The following XKR4 variants were observed in gnomAD, a reference collection of about 807,000 sequenced individuals.
XKR4 encodes the protein XK related 4, also known as XK-related protein 4.
In XKR4, 12 loss-of-function variants were observed where a neutral mutation model predicts 53.9. That is an observed-to-expected ratio of 0.22 (90% CI 0.14 to 0.36). XKR4 has a LOEUF of 0.36. XKR4 is among the 10% of genes least tolerant of loss of function. The pLI, the probability that XKR4 is intolerant of heterozygous loss-of-function variation, is 1.00. For synonymous variants in XKR4, 354 were observed against 362.4 expected (o/e 0.98, Z 0.26); for missense variants, 799 against 859.5 (o/e 0.93, Z 0.88).
At chr8:55,519,713 A>T (rs142994280) in intron 2 of XKR4, among the ~76,000 whole-genome samples, 76 of 152,306 alleles carry the variant, frequency 5.0e-4, no homozygotes, top group African/African-American at 1.8e-3. Flanking sequence ...TTTTTAAAGT[A>T]CTGTGTCAAT....
rs536730996 is a variant in XKR4, at chr8:55,423,347, G to A, written c.1006+65470G>A. Among the ~76,000 whole-genome samples, 22 of 152,182 alleles carry A rather than the reference G, an allele frequency of 1.4e-4. 1 individual carries two copies. The highest frequency in any genetic ancestry group is 4.6e-4 in the Admixed American group (7 of 15,280). On this transcript the variant is annotated intron_variant, in intron 2 of 2. Coordinates refer to ENST00000327381, the MANE Select transcript of XKR4 (RefSeq NM_052898.2). ...TGACCTCGGGTGATCCACCTGCCTC[G>A]GCCTCCCAAAGTGCTGGGATTATAG...
At chr8:55,224,849 T>C (rs781215929) in intron 1 of XKR4, among the ~76,000 whole-genome samples, 2 of 152,194 alleles carry the variant, frequency 1.3e-5, no homozygotes, top group Non-Finnish European at 2.9e-5. Context: ...GCATTTCTTG[T>C]TCTATAGAAA....
intron 2 of XKR4, among the ~76,000 whole-genome samples, chr8:55,422,107 C>T (rs1208906845): frequency 6.6e-6 from 1 of 152,062 alleles, no homozygotes; most frequent in Non-Finnish European, 1.5e-5. Flanking sequence ...GAATTGAGAC[C>T]ATACTAAATA....
chr8:55,451,746 G>T (rs1805450450), intron 2 of XKR4: 1 of 1,189,810 alleles, frequency 8.4e-7, no homozygotes, highest in African/African-American at 1.5e-5. Context: ...ATTCAGACTT[G>T]GCCCGGCTCA....
chr8:55,471,724 G>C (rs1017683810), intron 2 of XKR4, among the ~76,000 whole-genome samples: 6 of 152,100 alleles, frequency 3.9e-5, no homozygotes, highest in African/African-American at 1.4e-4. Flanking sequence ...CCTCATGAAT[G>C]GTTAACACCA....
At chr8:55,109,542 C>T (rs984839896) in intron 1 of XKR4, among the ~76,000 whole-genome samples, 1 of 152,130 alleles carries the variant, frequency 6.6e-6, no homozygotes, top group African/African-American at 2.4e-5. Flanking sequence ...CACAATCAGA[C>T]AGCTCCTTGT....
chr8:55,145,078 C>T (rs116176221), intron 1 of XKR4, among the ~76,000 whole-genome samples: 1,524 of 152,146 alleles, frequency 0.01, 24 homozygotes, highest in African/African-American at 0.035. Flanking sequence ...GGGATCCGCC[C>T]GCCTTGGGCT....
chr8:55,161,121 G>A (rs543304391), intron 1 of XKR4, among the ~76,000 whole-genome samples: 1 of 152,306 alleles, frequency 6.6e-6, no homozygotes, highest in Admixed American at 6.5e-5. Context: ...GACCTGCACA[G>A]GAAGTGCTTC....
chr8:55,402,018 C>T (rs531685577), intron 2 of XKR4, among the ~76,000 whole-genome samples: 25 of 152,276 alleles, frequency 1.6e-4, no homozygotes, highest in East Asian at 1.2e-3. Context: ...TGTATTTTCG[C>T]GAATCTTTTT....
intron 2 of XKR4, among the ~76,000 whole-genome samples, chr8:55,463,010 C>T (rs1402647679): frequency 1.3e-5 from 2 of 152,090 alleles, no homozygotes; most frequent in South Asian, 2.1e-4. Flanking sequence ...ACTTACACTC[C>T]CACACTATAA....
At chr8:55,164,192 G>A (rs533967308) in intron 1 of XKR4, 18 of 456,572 alleles carry the variant, frequency 3.9e-5, no homozygotes, top group Admixed American at 1.6e-4. Flanking sequence ...AGGTTGCCTC[G>A]TCCGCCGCCT....
At chr8:55,433,420 T>A (rs1805129583) in intron 2 of XKR4, among the ~76,000 whole-genome samples, 1 of 152,232 alleles carries the variant, frequency 6.6e-6, no homozygotes. Context: ...GAGATAATAA[T>A]AATAAATCAT....
At chr8:55,252,404 T>C (rs1402940484) in intron 1 of XKR4, among the ~76,000 whole-genome samples, 1 of 152,134 alleles carries the variant, frequency 6.6e-6, no homozygotes, top group Admixed American at 6.5e-5. Flanking sequence ...CAAGGACTAT[T>C]TTTGTTTTAT....
chr8:55,453,589 C>A, intron 2 of XKR4: 1 of 396,330 alleles, frequency 2.5e-6, no homozygotes, highest in Non-Finnish European at 4.9e-6. Context: ...TCCCAGCCTT[C>A]ATGGCTAGGG....
chr8:55,355,546 C>A (rs182301327), intron 1 of XKR4, among the ~76,000 whole-genome samples: 204 of 152,282 alleles, frequency 1.3e-3, no homozygotes, highest in African/African-American at 4.7e-3. Flanking sequence ...GGATGCAGAA[C>A]AGCCGATATC....
Position 55,531,849 on chromosome 8 carries a change from T to A in XKR4, c.*7622T>A, listed in dbSNP as rs954941213. Reference sequence around the variant, plus strand: ...AATAACAAATTTCTGGACATAAACATGAGCTGTTTCTCTAAAGCCTTTCCT... The same window carrying A: ...AATAACAAATTTCTGGACATAAACAAGAGCTGTTTCTCTAAAGCCTTTCCT... On this transcript the variant is annotated 3_prime_UTR_variant, in exon 3 of 3. Transcript: ENST00000327381. 2 of 152,282 alleles carry A rather than the reference T, an allele frequency of 1.3e-5. No homozygotes were observed. The highest frequency in any genetic ancestry group is 6.5e-5 in the Admixed American group (1 of 15,288). The allele number at this position is 152,282 out of a possible 1,614,324, so 9.4% of individuals were successfully genotyped here. A position where few individuals can be genotyped will look rare whatever the true frequency, so the allele number is the denominator to read the frequency against.
intron 1 of XKR4, among the ~76,000 whole-genome samples, chr8:55,258,217 G>T (rs769771413): frequency 6.6e-6 from 1 of 152,232 alleles, no homozygotes; most frequent in Non-Finnish European, 1.5e-5. Flanking sequence ...GTCTTCCCGA[G>T]GGAAAGCGAC....
At chr8:55,112,256 G>A (rs1816242225) in intron 1 of XKR4, among the ~76,000 whole-genome samples, 1 of 152,110 alleles carries the variant, frequency 6.6e-6, no homozygotes. Context: ...ATATTTCCCT[G>A]TTGGGGAATC....
At chr8:55,489,871 A>G (rs1038062338) in intron 2 of XKR4, among the ~76,000 whole-genome samples, 1 of 152,104 alleles carries the variant, frequency 6.6e-6, no homozygotes, top group Non-Finnish European at 1.5e-5. Context: ...TCTATCTTCA[A>G]ATCACTTTAT....
Sources: allele counts gnomAD v4.1 joint callset (sites outside exome capture counted in the v4.1 genomes callset), GRCh38; gene constraint gnomAD v4.1.1; transcripts MANE v1.5; gene names NCBI Gene and HGNC (gene_info 2026-07-23, HGNC 2026-07-21).